Variants in BCKDHB observed in about 807,000 individuals in gnomAD.
The protein encoded by BCKDHB is branched chain keto acid dehydrogenase E1 subunit beta.
In BCKDHB, 41 loss-of-function variants were observed where a neutral mutation model predicts 48.5. The observed-to-expected ratio is 0.85, with a 90% CI of 0.66 to 1.10. BCKDHB has a LOEUF of 1.10. Ranked by LOEUF, BCKDHB falls within the 50% of genes least tolerant of loss-of-function variation. The probability of loss-of-function intolerance (pLI) is 0.00; values close to 1 mark genes in which losing one functional copy is unlikely to be tolerated. For missense variants in BCKDHB, 496 were observed against 494.2 expected, an observed-to-expected ratio of 1.00 and a Z score of -0.03; for synonymous variants, 201 against 174.8, an observed-to-expected ratio of 1.15 and a Z score of -1.18.
rs770817894 is a variant in BCKDHB, at chr6:80,317,009, C to CT, written c.1039-26654dup. Among the ~76,000 whole-genome samples, 225 of 152,292 alleles carry CT rather than the reference C, an allele frequency of 1.5e-3. 1 individual carries two copies. The highest frequency in any genetic ancestry group is 2.0e-3 in the Non-Finnish European group (136 of 68,026). On this transcript the variant is annotated intron_variant, in intron 9 of 9. Transcript: ENST00000320393. Reference sequence around the variant, plus strand: ...TGTCAACCTTTTATAAATTAGGACTCTCACTGGGCTTGCTCTAATTCTTTA... The same window carrying CT: ...TGTCAACCTTTTATAAATTAGGACTCTTCACTGGGCTTGCTCTAATTCTTTA...
chr6:80,294,345 G>C (rs181736026), intron 9 of BCKDHB, among the ~76,000 whole-genome samples: 2 of 152,216 alleles, frequency 1.3e-5, no homozygotes, highest in Admixed American at 1.3e-4. Context: ...TGTGTTAACT[G>C]TACAAATTGA....
At chr6:80,348,032 G>A (rs9352823), downstream of BCKDHB, among the ~76,000 whole-genome samples, 31,274 of 151,372 alleles carry the variant, frequency 0.21, 3,731 homozygotes, top group South Asian at 0.37. Context: ...TAATGTGTCT[G>A]ATTCTTTCAG....
Position 80,343,687 on chromosome 6 carries a change from G to A in BCKDHB, c.1062G>A (p.Glu354=). Residue 354 remains glutamate (E), a synonymous_variant, in exon 10 of 10, where the codon GAG becomes GAA. Transcript: ENST00000320393. ...TVQEECFLNL[E]APISRVCGYD... ...AGGAGGAATGTTTCTTGAACCTAGA[G>A]GCTCCTATATCAAGAGTATGTGGTT... 1 of 1,613,954 alleles carries A rather than the reference G, an allele frequency of 6.2e-7. No individual in the cohort carries two copies.
chr6:80,318,628 T>C (rs1029701723), intron 9 of BCKDHB, among the ~76,000 whole-genome samples: 1 of 148,232 alleles, frequency 6.7e-6, no homozygotes, highest in Admixed American at 6.9e-5. Flanking sequence ...GAGGTTGCAG[T>C]GAGCCAAGAT....
At chr6:80,110,712 A>T (rs553453253) in intron 1 of BCKDHB, among the ~76,000 whole-genome samples, 24 of 152,362 alleles carry the variant, frequency 1.6e-4, no homozygotes, top group African/African-American at 5.5e-4. Flanking sequence ...GGGTATATGG[A>T]TCTGCCACCA....
chr6:80,338,453 A>C (rs984112029), intron 9 of BCKDHB, among the ~76,000 whole-genome samples: 1 of 152,140 alleles, frequency 6.6e-6, no homozygotes, highest in Non-Finnish European at 1.5e-5. Context: ...GCAGCACCGG[A>C]CACTGCCTTT....
At chr6:80,155,415 A>G (rs1478983206) in intron 3 of BCKDHB, among the ~76,000 whole-genome samples, 1 of 152,166 alleles carries the variant, frequency 6.6e-6, no homozygotes, top group African/African-American at 2.4e-5. Context: ...TTTCTCTAGT[A>G]GAAAGAAAGG....
chr6:80,448,228 G>A, the BCKDHB span, among the ~76,000 whole-genome samples: 2 of 152,184 alleles, frequency 1.3e-5, no homozygotes, highest in African/African-American at 2.4e-5. Flanking sequence ...TTAGGGTAGT[G>A]TAGCTGGAAT....
At chr6:80,285,892 G>A (rs1766603719) in intron 9 of BCKDHB, among the ~76,000 whole-genome samples, 1 of 151,928 alleles carries the variant, frequency 6.6e-6, no homozygotes, top group South Asian at 2.1e-4. Flanking sequence ...AATACCATTC[G>A]AAAAGCATTT....
At chr6:80,268,115 T>C (rs1777590446) in intron 8 of BCKDHB, among the ~76,000 whole-genome samples, 1 of 152,108 alleles carries the variant, frequency 6.6e-6, no homozygotes, top group African/African-American at 2.4e-5. Flanking sequence ...GAGGTCATGC[T>C]GATTAACAAA....
chr6:80,258,862 G>A (rs899713334), intron 8 of BCKDHB, among the ~76,000 whole-genome samples: 1 of 152,014 alleles, frequency 6.6e-6, no homozygotes, highest in Admixed American at 6.6e-5. Flanking sequence ...ATAACTCTTG[G>A]GGTTATAATT....
intron 9 of BCKDHB, among the ~76,000 whole-genome samples, chr6:80,326,659 A>AGG (rs1214545721): frequency 6.6e-6 from 1 of 152,122 alleles, no homozygotes; most frequent in African/African-American, 2.4e-5. Flanking sequence ...AGGCCGAGGT[A>AGG]GGTAGATCAC....
chr6:80,432,134 T>C, the BCKDHB span, among the ~76,000 whole-genome samples: 1 of 152,182 alleles, frequency 6.6e-6, no homozygotes, highest in Non-Finnish European at 1.5e-5. Flanking sequence ...TATTTTTTCC[T>C]TCATTTTAAT....
chr6:80,365,815 A>C, the BCKDHB span, among the ~76,000 whole-genome samples: 2 of 152,212 alleles, frequency 1.3e-5, no homozygotes, highest in Non-Finnish European at 2.9e-5. Context: ...AATGTCCATG[A>C]ATCTTCACAA....
intron 4 of BCKDHB, among the ~76,000 whole-genome samples, chr6:80,168,033 A>C (rs1772665829): frequency 6.6e-6 from 1 of 152,120 alleles, no homozygotes; most frequent in Admixed American, 6.5e-5. Context: ...CAATCCCAGC[A>C]CTTTGGGAGG....
At chr6:80,383,733 T>A in the BCKDHB span, among the ~76,000 whole-genome samples, 8 of 152,126 alleles carry the variant, frequency 5.3e-5, no homozygotes, top group Non-Finnish European at 7.4e-5. Context: ...AAAATTGCAG[T>A]ATCTTTCCTA....
At chr6:80,213,713 A>G (rs1390700038) in intron 8 of BCKDHB, among the ~76,000 whole-genome samples, 5 of 150,992 alleles carry the variant, frequency 3.3e-5, no homozygotes, top group African/African-American at 4.9e-5. Context: ...TGATAGAGAA[A>G]ATATCTTCAT....
At chr6:80,116,127 A>G (rs1769691764) in intron 1 of BCKDHB, among the ~76,000 whole-genome samples, 1 of 152,052 alleles carries the variant, frequency 6.6e-6, no homozygotes, top group Non-Finnish European at 1.5e-5. Context: ...ATTTCTGGAG[A>G]TTGCTGACAT....
Position 80,209,648 on chromosome 6 carries a change from C to G in BCKDHB, c.951+6436C>G, listed in dbSNP as rs935643653. Among the ~76,000 whole-genome samples, 6 of 152,016 alleles carry G rather than the reference C, an allele frequency of 3.9e-5. No individual in the cohort carries two copies. The East Asian group carries it at 9.7e-4, about 25-fold the overall frequency. Reference sequence around the variant, plus strand: ...ACTATGAAAAATAATTATATTAACTCTTACCACACAAGCATCAGTTACAGC... The same window carrying G: ...ACTATGAAAAATAATTATATTAACTGTTACCACACAAGCATCAGTTACAGC... On this transcript the variant is annotated intron_variant, in intron 8 of 9. Coordinates refer to ENST00000320393, the MANE Select transcript of BCKDHB (RefSeq NM_183050.4).
Sources: gnomAD v4.1 joint callset for allele counts (sites outside exome capture counted in the v4.1 genomes callset) on GRCh38, gnomAD v4.1.1 for gene constraint, MANE v1.5 for transcripts, NCBI Gene and HGNC (gene_info 2026-07-23, HGNC 2026-07-21) for gene names.